LRP1B: variants seen among roughly 807,000 people sequenced by gnomAD.
The protein encoded by LRP1B is LDL receptor related protein 1B, also known as low-density lipoprotein receptor-related protein 1B.
In LRP1B, 217 loss-of-function variants were observed where a neutral mutation model predicts 556.6. The ratio of observed to expected loss-of-function variants is 0.39; its 90% CI spans 0.35 to 0.44. The LOEUF is 0.44. Ranked by LOEUF, LRP1B falls within the 20% of genes least tolerant of loss-of-function variation. The probability of loss-of-function intolerance (pLI) is 1.00; values close to 1 mark genes in which losing one functional copy is unlikely to be tolerated. For missense variants in LRP1B, 5,053 were observed against 5,620.8 expected (o/e 0.90, Z 3.23); for synonymous variants, 2,047 against 1,865.8 (o/e 1.10, Z -2.50).
chr2:140,526,461 T>A, intron 47 of LRP1B, 111 bp from the exon 48 acceptor site: 2 of 778,622 alleles, frequency 2.6e-6, no homozygotes, highest in Non-Finnish European at 4.1e-6. Flanking sequence ...TTTGCTTTCG[T>A]AACTCTGGGA....
At chr2:142,018,918 AATT>A (rs1446235437) in intron 1 of LRP1B, among the ~76,000 whole-genome samples, 6 of 152,084 alleles carry the variant, frequency 3.9e-5, no homozygotes, top group Non-Finnish European at 8.8e-5. Context: ...AAAGATCTTG[AATT>A]TAATTAAAAC....
At chr2:140,320,389 A>C (rs1680040812) in intron 82 of LRP1B, among the ~76,000 whole-genome samples, 1 of 152,162 alleles carries the variant, frequency 6.6e-6, no homozygotes, top group Non-Finnish European at 1.5e-5. Flanking sequence ...TTCAAATTGG[A>C]TGTAACCTTC....
chr2:140,871,971 G>T (rs185026808), intron 25 of LRP1B, among the ~76,000 whole-genome samples: 60 of 151,524 alleles, frequency 4.0e-4, no homozygotes, highest in Non-Finnish European at 7.1e-4. Context: ...ACATCCAAGA[G>T]GTGTGTGTGT....
intron 86 of LRP1B, chr2:140,269,529 T>G: frequency 2.7e-6 from 1 of 369,710 alleles, no homozygotes. Context: ...ACTCATCACA[T>G]GCTACTCTGA....
intron 11 of LRP1B, among the ~76,000 whole-genome samples, chr2:141,020,313 C>G (rs927694815): frequency 6.6e-6 from 1 of 151,900 alleles, no homozygotes; most frequent in Non-Finnish European, 1.5e-5. Context: ...GAATAATAGG[C>G]CCTCTCTCAA....
chr2:140,864,523 A>T (rs561402788), intron 27 of LRP1B, among the ~76,000 whole-genome samples: 1 of 152,188 alleles, frequency 6.6e-6, no homozygotes, highest in African/African-American at 2.4e-5. Context: ...ATAAGTGCAC[A>T]TTTATATTAC....
chr2:140,821,402 ATTTCT>A (rs1233058261), intron 31 of LRP1B, among the ~76,000 whole-genome samples: 2 of 152,186 alleles, frequency 1.3e-5, no homozygotes, highest in African/African-American at 4.8e-5. Flanking sequence ...TGTTTGTAAC[ATTTCT>A]TTTGAGATGT....
chr2:141,175,538 GA>G (rs1453236259), intron 7 of LRP1B, among the ~76,000 whole-genome samples: 1 of 152,134 alleles, frequency 6.6e-6, no homozygotes, highest in East Asian at 1.9e-4. Flanking sequence ...TGCATTCACA[GA>G]AGGCAAGAGT....
chr2:140,281,461 T>C (rs535454716), intron 84 of LRP1B, among the ~76,000 whole-genome samples: 2 of 151,936 alleles, frequency 1.3e-5, no homozygotes, highest in South Asian at 4.2e-4. Context: ...GAAGATACCA[T>C]ATAAGGATAA....
chr2:141,875,601 T>C (rs1698731495), intron 1 of LRP1B, among the ~76,000 whole-genome samples: 1 of 151,948 alleles, frequency 6.6e-6, no homozygotes. Flanking sequence ...AATTATTCAA[T>C]TTCATAAAGT....
At chr2:141,101,979 A>G (rs1432395252) in intron 7 of LRP1B, among the ~76,000 whole-genome samples, 1 of 152,218 alleles carries the variant, frequency 6.6e-6, no homozygotes, top group Non-Finnish European at 1.5e-5. Context: ...CACAACAGAT[A>G]TAACGGAGAT....
chr2:140,817,724 T>A (rs1691174173), intron 31 of LRP1B, among the ~76,000 whole-genome samples: 1 of 152,128 alleles, frequency 6.6e-6, no homozygotes, highest in Non-Finnish European at 1.5e-5. Flanking sequence ...ATGTGTCTCA[T>A]TTGTTTTCTA....
At chr2:141,422,289 G>A (rs13400449) in intron 3 of LRP1B, among the ~76,000 whole-genome samples, 29,646 of 151,988 alleles carry the variant, frequency 0.2, 3,554 homozygotes, top group East Asian at 0.45. Flanking sequence ...TTTGGAAAAT[G>A]GTTGAATTTC....
chr2:142,068,846 CT>C (rs1438590941), intron 1 of LRP1B, among the ~76,000 whole-genome samples: 6 of 151,502 alleles, frequency 4.0e-5, no homozygotes, highest in Non-Finnish European at 8.9e-5. Context: ...TAATATTTTT[CT>C]GTGATAATAA....
intron 14 of LRP1B, among the ~76,000 whole-genome samples, chr2:141,013,189 GTTTTC>G: frequency 6.6e-6 from 1 of 151,848 alleles, no homozygotes; most frequent in Non-Finnish European, 1.5e-5. Context: ...ATTTTCAGTA[GTTTTC>G]TTTTCAAACT....
chr2:140,612,538 A>C, intron 41 of LRP1B, among the ~76,000 whole-genome samples: 1 of 152,234 alleles, frequency 6.6e-6, no homozygotes, highest in South Asian at 2.1e-4. Flanking sequence ...TCAACAAGTC[A>C]CACGTCACCG....
intron 1 of LRP1B, among the ~76,000 whole-genome samples, chr2:142,075,757 T>C (rs571461396): frequency 6.6e-6 from 1 of 152,206 alleles, no homozygotes; most frequent in African/African-American, 2.4e-5. Context: ...TAACTCTCCC[T>C]CCACGTTAAT....
At chr2:141,007,265 G>T (rs2105376382) in intron 14 of LRP1B, among the ~76,000 whole-genome samples, 1 of 151,816 alleles carries the variant, frequency 6.6e-6, no homozygotes, top group East Asian at 1.9e-4. Context: ...ACTCTAAAAT[G>T]CTCCTCTATA....
chr2:142,129,150 T>A (rs1352814146), intron 1 of LRP1B, among the ~76,000 whole-genome samples: 2 of 152,288 alleles, frequency 1.3e-5, no homozygotes, highest in East Asian at 1.9e-4. Flanking sequence ...CTAAGAAAGG[T>A]TGAGAGCTGA....
Sources: allele counts gnomAD v4.1 joint callset (sites outside exome capture counted in the v4.1 genomes callset), GRCh38; gene constraint gnomAD v4.1.1; transcripts MANE v1.5; gene names NCBI Gene and HGNC (gene_info 2026-07-23, HGNC 2026-07-21).